NLGN4Y: variants seen among roughly 807,000 people sequenced by gnomAD.
The protein encoded by NLGN4Y is neuroligin 4 Y-linked, also known as neuroligin-4, Y-linked.
In NLGN4Y, 4 loss-of-function variants were observed where a neutral mutation model predicts 8.4. That is an observed-to-expected ratio of 0.48 (90% CI 0.23 to 1.09). The LOEUF (loss-of-function observed/expected upper bound fraction) is 1.09, where lower values mean the gene tolerates loss of function less well. Ranked by LOEUF, NLGN4Y falls within the 50% of genes least tolerant of loss-of-function variation. The pLI is 0.19. For missense variants in NLGN4Y, 90 were observed against 192.3 expected (o/e 0.47, Z 3.15); for synonymous variants, 35 against 75.6 (o/e 0.46, Z 2.78).
rs2043238849 is a variant in NLGN4Y at position 14,844,210 on chromosome Y, A to G, written c.*2948A>G. 1 of 81,813 alleles carries G rather than the reference A, an allele frequency of 1.2e-5. No homozygotes were observed. Among genetic ancestry groups the G allele is most frequent in the Admixed American group, 2.0e-4 (1 of 4,927 alleles). The allele number at this position is 81,813 out of a possible 400,897, so 20.4% of individuals were successfully genotyped here. A position where few individuals can be genotyped will look rare whatever the true frequency, so the allele number is the denominator to read the frequency against. On this transcript the variant is annotated 3_prime_UTR_variant, in exon 7 of 7. Coordinates refer to ENST00000684976, the MANE Select transcript of NLGN4Y (RefSeq NM_001365588.1). ...GAAGCTCCTGAGATGACACTGCCTGAAAATGAGTATTTGGTTGTGTTATTT... is the reference window on the plus strand; with the variant it reads ...GAAGCTCCTGAGATGACACTGCCTGGAAATGAGTATTTGGTTGTGTTATTT...
intron 4 of NLGN4Y, among the ~76,000 whole-genome samples, chrY:14,771,825 A>G (rs111545352): frequency 3.6e-4 from 12 of 33,569 alleles, no homozygotes; most frequent in African/African-American, 9.3e-4. Flanking sequence ...AAGATAACAT[A>G]TAGGCTCACA....
At chrY:14,802,699 T>G in intron 4 of NLGN4Y, among the ~76,000 whole-genome samples, 1 of 10,853 alleles carries the variant, frequency 9.2e-5, no homozygotes, top group Non-Finnish European at 1.4e-4. Context: ...TTTAAATAAA[T>G]TTAAATTAAA....
intron 2 of NLGN4Y, among the ~76,000 whole-genome samples, chrY:14,705,057 T>C (rs2080871579): frequency 6.1e-5 from 2 of 32,862 alleles, no homozygotes; most frequent in African/African-American, 1.2e-4. Flanking sequence ...TCTCTTTTTT[T>C]AGGTTTAACT....
intron 4 of NLGN4Y, among the ~76,000 whole-genome samples, chrY:14,790,408 A>ATG (rs2042981223): frequency 6.2e-5 from 2 of 32,432 alleles, no homozygotes; most frequent in East Asian, 8.0e-4. Flanking sequence ...AGCTACAGAT[A>ATG]TGTGTGTGTG....
intron 4 of NLGN4Y, among the ~76,000 whole-genome samples, chrY:14,792,525 C>T: frequency 3.2e-5 from 1 of 31,089 alleles, no homozygotes; most frequent in Non-Finnish European, 7.7e-5. Context: ...CATGGTGGCT[C>T]ACACTTGTAA....
intron 4 of NLGN4Y, among the ~76,000 whole-genome samples, chrY:14,786,922 GCTC>G (rs2042969217): frequency 6.4e-5 from 2 of 31,174 alleles, no homozygotes; most frequent in South Asian, 1.5e-3. Flanking sequence ...TCCTCCTCCT[GCTC>G]CTCCTCCTCT....
At chrY:14,742,592 A>G in intron 4 of NLGN4Y, among the ~76,000 whole-genome samples, 1 of 32,756 alleles carries the variant, frequency 3.1e-5, no homozygotes, top group African/African-American at 1.2e-4. Context: ...TAAATCTGTT[A>G]TATATATCAT....
chrY:14,701,906 A>G (rs2080849629), intron 2 of NLGN4Y, among the ~76,000 whole-genome samples: 1 of 33,376 alleles, frequency 3.0e-5, no homozygotes, highest in Non-Finnish European at 7.4e-5. Context: ...TGGAGAGATG[A>G]GAAGAATTTC....
intron 4 of NLGN4Y, among the ~76,000 whole-genome samples, chrY:14,800,848 A>G: frequency 3.1e-5 from 1 of 31,944 alleles, no homozygotes; most frequent in South Asian, 6.9e-4. Context: ...CAATATAAAC[A>G]CAAAATCCAA....
chrY:14,546,259 G>A (rs1603499277), intron 1 of NLGN4Y, among the ~76,000 whole-genome samples: 10 of 32,361 alleles, frequency 3.1e-4, no homozygotes, highest in African/African-American at 7.3e-4. Flanking sequence ...AGGCAATGCA[G>A]GGTCTTTTTT....
intron 2 of NLGN4Y, among the ~76,000 whole-genome samples, chrY:14,663,338 G>A (rs2080681514): frequency 3.0e-5 from 1 of 32,908 alleles, no homozygotes; most frequent in African/African-American, 1.2e-4. Context: ...ACAAACATGG[G>A]GGTGCAGATA....
intron 4 of NLGN4Y, among the ~76,000 whole-genome samples, chrY:14,729,294 A>G (rs753735538): frequency 3.0e-5 from 1 of 33,451 alleles, no homozygotes; most frequent in South Asian, 6.7e-4. Flanking sequence ...CATTTGATGG[A>G]CATTTGGGTT....
intron 2 of NLGN4Y, among the ~76,000 whole-genome samples, chrY:14,688,260 G>GA (rs2080798967): frequency 6.0e-5 from 2 of 33,413 alleles, no homozygotes; most frequent in African/African-American, 1.2e-4. Context: ...GTGCTGAAGA[G>GA]AAAAAATATC....
rs368856434 is a variant in NLGN4Y, at chrY:14,534,316, C to T, written c.-112+9608C>T. On this transcript the variant is annotated intron_variant, in intron 1 of 6. Transcript: ENST00000684976. ...AGGTATTCTATCTTGAAGAGGCTCC[C>T]TGGTCCAATATTTCTGGAAAACCTC... Among the ~76,000 whole-genome samples the T allele has an allele frequency of 5.2e-3, 176 of 33,545 alleles. No individual in the cohort carries two copies. The South Asian group carries it at 0.11, about 21-fold the overall frequency. 90.0% of individuals were successfully genotyped at this position (33,545 alleles called of 37,273 possible). A position where few individuals can be genotyped will look rare whatever the true frequency, so the allele number is the denominator to read the frequency against.
chrY:14,645,163 A>ATTTTTTT, intron 2 of NLGN4Y, among the ~76,000 whole-genome samples: 2 of 13,347 alleles, frequency 1.5e-4, no homozygotes, highest in African/African-American at 5.7e-4. Flanking sequence ...TTGGACCTGA[A>ATTTTTTT]TTTTTTTTTT....
chrY:14,552,540 C>G, intron 1 of NLGN4Y, among the ~76,000 whole-genome samples: 1 of 33,514 alleles, frequency 3.0e-5, no homozygotes, highest in Non-Finnish European at 7.4e-5. Flanking sequence ...AAAATACTGG[C>G]AAAGAGAATC....
At chrY:14,529,950 T>C in intron 1 of NLGN4Y, among the ~76,000 whole-genome samples, 1 of 26,343 alleles carries the variant, frequency 3.8e-5, no homozygotes, top group Non-Finnish European at 8.7e-5. Flanking sequence ...TGTATATATA[T>C]ACACACACAT....
chrY:14,741,434 A>G (rs2081005800), intron 4 of NLGN4Y, among the ~76,000 whole-genome samples: 1 of 33,753 alleles, frequency 3.0e-5, no homozygotes, highest in Non-Finnish European at 7.4e-5. Flanking sequence ...TCTACAAATG[A>G]GATGAGACTG....
At chrY:14,724,994 A>G (rs2080951211) in intron 4 of NLGN4Y, among the ~76,000 whole-genome samples, 2 of 33,266 alleles carry the variant, frequency 6.0e-5, no homozygotes, top group Non-Finnish European at 1.5e-4. Context: ...TCCTAAATTC[A>G]GGATAATTAT....
Sources: allele counts gnomAD v4.1 joint callset (sites outside exome capture counted in the v4.1 genomes callset), GRCh38; gene constraint gnomAD v4.1.1; transcripts MANE v1.5; gene names NCBI Gene and HGNC (gene_info 2026-07-23, HGNC 2026-07-21).